The following RPS19BP1 variants were observed in gnomAD, a reference collection of about 807,000 sequenced individuals.
RPS19BP1 encodes active regulator of SIRT1.
RPS19BP1 carries 14 observed loss-of-function variants against 16.6 expected under a neutral mutation model. The observed-to-expected ratio is 0.84, with a 90% CI of 0.56 to 1.32. RPS19BP1 has a LOEUF of 1.32. Ranked by LOEUF, RPS19BP1 falls within the 40% of genes most tolerant of loss-of-function variation. RPS19BP1 has a pLI of 0.00. For synonymous variants in RPS19BP1, 90 were observed against 77.3 expected (o/e 1.16, Z -0.86); for missense variants, 188 against 178.6 (o/e 1.05, Z -0.30).
chr22:39,529,729 C>T, intron 3 of RPS19BP1, 91 bp downstream of exon 3: 1 of 1,596,708 alleles, frequency 6.3e-7, no homozygotes, highest in Non-Finnish European at 8.6e-7. Context: ...GCCTCCCACC[C>T]TATGCTCAGG....
In RPS19BP1 at chr22:39,532,283, G is replaced by A. The variant is rs938164143; in HGVS notation, c.181+112C>T. 12 of 1,488,936 alleles carry A rather than the reference G, an allele frequency of 8.1e-6. No homozygotes were observed. The East Asian group carries it at 2.5e-4, about 31-fold the overall frequency. The allele number at this position is 1,488,936 out of a possible 1,614,324, so 92.2% of individuals were successfully genotyped here. ...GGCCCCGCTCCGCGCCTGGCACACA[G>A]TAGGTCTAGCAATACCGGGCGAACG... On this transcript the variant is annotated intron_variant, in intron 2 of 3. Transcript: ENST00000334678.
rs546650991 is a variant in RPS19BP1, at chr22:39,529,316, A to G, written c.*176T>C. ...GGTCTGTGTGTAAATCCTCCCCAGG[A>G]CTTCCGGCCCACCAGCTCCATTCCA... On this transcript the variant is annotated 3_prime_UTR_variant, in exon 4 of 4. Transcript: ENST00000334678. 111 of 818,822 alleles carry G rather than the reference A, an allele frequency of 1.4e-4. No individual in the cohort carries two copies. The South Asian group carries it at 1.6e-3, about 12-fold the overall frequency. The allele number at this position is 818,822 out of a possible 1,614,324, so 50.7% of individuals were successfully genotyped here.
chr22:39,530,128 C>A, intron 2 of RPS19BP1: 1 of 589,232 alleles, frequency 1.7e-6, no homozygotes, highest in Non-Finnish European at 3.0e-6. Flanking sequence ...ACAATTATGT[C>A]CTGAATACTA....
In RPS19BP1 at chr22:39,529,812, C is replaced by T. The variant is rs368148284; in HGVS notation, c.279+8G>A. 5.0e-6 allele frequency: 8 copies of T among 1,613,704 alleles called. No homozygotes were observed. Among genetic ancestry groups the T allele is most frequent in the Non-Finnish European group, 5.9e-6 (7 of 1,179,760 alleles). On this transcript the variant is annotated splice_region_variant and intron_variant, in intron 3 of 3. Transcript: ENST00000334678. ...CCCAGGTCCCTTCCTATAGTACCCTCGACCAACCTGCTGGCTCACAGACTC... is the reference window on the plus strand; with the variant it reads ...CCCAGGTCCCTTCCTATAGTACCCTTGACCAACCTGCTGGCTCACAGACTC...
chr22:39,530,193 G>GGACCC, intron 2 of RPS19BP1: 1 of 448,418 alleles, frequency 2.2e-6, no homozygotes. Context: ...GAAGGACAAA[G>GGACCC]GACCCAGTAT....
chr22:39,529,414 G>A lies in RPS19BP1; in HGVS notation c.*78C>T. The A allele has an allele frequency of 4.5e-6, 7 of 1,568,846 alleles. No homozygotes were observed. The highest frequency in any genetic ancestry group is 5.2e-6 in the Non-Finnish European group (6 of 1,156,146). Reference sequence around the variant, plus strand: ...TGCATCGCCATCTGCTGGCCGCGCGGCACGGCCGGTTCCTGGAGCCAGCAG... The same window carrying A: ...TGCATCGCCATCTGCTGGCCGCGCGACACGGCCGGTTCCTGGAGCCAGCAG... On this transcript the variant is annotated 3_prime_UTR_variant, in exon 4 of 4. Coordinates refer to ENST00000334678, the MANE Select transcript of RPS19BP1 (RefSeq NM_194326.4).
At chr22:39,532,292 G>T in intron 2 of RPS19BP1, 103 bp downstream of exon 2, 1 of 1,537,204 alleles carries the variant, frequency 6.5e-7, no homozygotes, top group South Asian at 1.1e-5. Flanking sequence ...AGTAGGTCTA[G>T]CAATACCGGG....
chr22:39,532,041 A>G (rs994815113), intron 2 of RPS19BP1: 3 of 281,696 alleles, frequency 1.1e-5, no homozygotes, highest in Middle Eastern at 1.2e-3. Context: ...GCTCACTCTT[A>G]TACATCCTTC....
intron 2 of RPS19BP1, chr22:39,531,684 A>T (rs1931313105): frequency 6.6e-6 from 1 of 152,260 alleles, no homozygotes; most frequent in South Asian, 2.1e-4. Flanking sequence ...ATTTCAATGG[A>T]GTAGGTAATA....
rs1450433051 is a variant in RPS19BP1, at chr22:39,529,839, G to A, written c.260C>T (p.Ala87Val). 1 of 1,614,014 alleles carries A rather than the reference G, an allele frequency of 6.2e-7. No homozygotes were observed. The highest frequency in any genetic ancestry group is 8.5e-7 in the Non-Finnish European group (1 of 1,180,004). The change falls in exon 3 of 4, where the codon GCT becomes GTT. Residue 87 changes from alanine to valine, a missense_variant. Physicochemically the swap from Ala to Val is moderately conservative, Grantham distance 64. Coordinates refer to ENST00000334678, the MANE Select transcript of RPS19BP1 (RefSeq NM_194326.4). ...KFLTRTRSTV[A>V]ESVSQQILRQ... ...ACCAACCTGCTGGCTCACAGACTCA[G>A]CCACGGTGCTTCTCGTCCTGGTCAG...
At chr22:39,529,670 A>C (rs1442209157) in intron 3 of RPS19BP1, 47 bp from the exon 4 acceptor site, 8 of 1,608,786 alleles carry the variant, frequency 5.0e-6, no homozygotes, top group East Asian at 2.2e-5. Context: ...AGAGCAGAGG[A>C]GGCCCGCAAA....
rs143867708 is a variant in RPS19BP1, at chr22:39,529,595, G to A, written c.308C>T (p.Ala103Val). The A allele has an allele frequency of 6.2e-6, 10 of 1,614,028 alleles. No homozygotes were observed. Among genetic ancestry groups the A allele is most frequent in the African/African-American group, 4.0e-5 (3 of 74,928 alleles). ...QILRQNRGRK[A>V]CDRPVAKTKK... ...GGTCTTGGCCACAGGCCGGTCACAG[G>A]CCTTGCGGCCCCGGTTCTGGCGCAA... The change falls in exon 4 of 4, where the codon GCC becomes GTC. Residue 103 changes from alanine (A) to valine (V), a missense_variant. Physicochemically the swap from Ala to Val is moderately conservative, Grantham distance 64. Transcript: ENST00000334678.
Sources: allele counts gnomAD v4.1 joint callset, GRCh38; gene constraint gnomAD v4.1.1; transcripts MANE v1.5; gene names NCBI Gene and HGNC (gene_info 2026-07-23, HGNC 2026-07-21).